RPS6KC1: variants seen among roughly 807,000 people sequenced by gnomAD.
RPS6KC1 encodes inactive ribosomal protein S6 kinase delta-1.
RPS6KC1 carries 54 observed loss-of-function variants against 103.8 expected under a neutral mutation model. The ratio of observed to expected loss-of-function variants is 0.52; its 90% confidence interval spans 0.42 to 0.65. The LOEUF is 0.65. Among genes scored for constraint, RPS6KC1 ranks in the 30% least tolerant of loss-of-function variants. The probability of loss-of-function intolerance (pLI) is 0.00; values close to 1 mark genes in which losing one functional copy is unlikely to be tolerated. For missense variants in RPS6KC1, 1,151 were observed against 1,253.8 expected (o/e 0.92, Z 1.24); for synonymous variants, 439 against 438.7 (o/e 1.00, Z -0.01).
chr1:213,556,614 T>G, the RPS6KC1 span, among the ~76,000 whole-genome samples: 1 of 152,252 alleles, frequency 6.6e-6, no homozygotes, highest in Non-Finnish European at 1.5e-5. Flanking sequence ...TGGGCTTCCC[T>G]GGAGGCAAGT....
the RPS6KC1 span, among the ~76,000 whole-genome samples, chr1:213,540,316 C>A: frequency 8.5e-4 from 129 of 152,240 alleles, no homozygotes; most frequent in Non-Finnish European, 1.5e-3. Flanking sequence ...CAAGGTCTCA[C>A]TATGTTGTCC....
chr1:213,802,167 T>C, the RPS6KC1 span, among the ~76,000 whole-genome samples: 20 of 152,160 alleles, frequency 1.3e-4, no homozygotes, highest in Admixed American at 1.3e-3. Flanking sequence ...AATAAGCAAG[T>C]AAATGTGAGG....
chr1:213,829,964 C>T, the RPS6KC1 span, among the ~76,000 whole-genome samples: 1 of 152,198 alleles, frequency 6.6e-6, no homozygotes, highest in Non-Finnish European at 1.5e-5. Context: ...AAGCCGCTCT[C>T]ACCCCATCTG....
intron 3 of RPS6KC1, among the ~76,000 whole-genome samples, chr1:213,101,698 A>G (rs995909840): frequency 6.6e-6 from 1 of 152,194 alleles, no homozygotes; most frequent in Admixed American, 6.5e-5. Flanking sequence ...GGGTCAAAGT[A>G]TAAAATAATG....
chr1:213,434,133 T>C, the RPS6KC1 span, among the ~76,000 whole-genome samples: 5 of 152,128 alleles, frequency 3.3e-5, no homozygotes, highest in African/African-American at 9.6e-5. Flanking sequence ...ACTTACTCAT[T>C]TGGTTAACAT....
chr1:213,262,380 T>C (rs1217814261), intron 13 of RPS6KC1, among the ~76,000 whole-genome samples: 1 of 152,210 alleles, frequency 6.6e-6, no homozygotes, highest in Non-Finnish European at 1.5e-5. Context: ...CTCTGTAGGG[T>C]TTTTAAAACA....
intron 12 of RPS6KC1, among the ~76,000 whole-genome samples, chr1:213,261,252 A>G (rs898498186): frequency 6.6e-6 from 1 of 152,204 alleles, no homozygotes; most frequent in Non-Finnish European, 1.5e-5. Flanking sequence ...TCTCAAATGT[A>G]AAAAATTAAG....
At chr1:213,581,218 G>A in the RPS6KC1 span, among the ~76,000 whole-genome samples, 2 of 151,942 alleles carry the variant, frequency 1.3e-5, no homozygotes, top group Non-Finnish European at 2.9e-5. Flanking sequence ...TAGTCCAACT[G>A]ACTCCCTCTG....
At chr1:213,253,605 G>A (rs188910337) in intron 12 of RPS6KC1, among the ~76,000 whole-genome samples, 138 of 152,136 alleles carry the variant, frequency 9.1e-4, no homozygotes, top group African/African-American at 3.1e-3. Context: ...TTATTTTTGC[G>A]TCATGTCTTT....
the RPS6KC1 span, among the ~76,000 whole-genome samples, chr1:213,659,422 A>G: frequency 6.6e-6 from 1 of 152,338 alleles, no homozygotes; most frequent in East Asian, 1.9e-4. Context: ...ATGCTATAAA[A>G]TTTAGATTCA....
the RPS6KC1 span, among the ~76,000 whole-genome samples, chr1:213,633,874 C>CAAAAAAAAAA: frequency 2.4e-4 from 2 of 8,278 alleles, no homozygotes; most frequent in Admixed American, 1.4e-3. Flanking sequence ...AAATGGAAAG[C>CAAAAAAAAAA]AAAAAAAAAA....
the RPS6KC1 span, among the ~76,000 whole-genome samples, chr1:213,340,446 A>C: frequency 6.6e-6 from 1 of 152,230 alleles, no homozygotes; most frequent in Non-Finnish European, 1.5e-5. Flanking sequence ...GAAGTGGTGT[A>C]ACTACATTAA....
At chr1:213,484,158 C>T in the RPS6KC1 span, among the ~76,000 whole-genome samples, 1 of 152,196 alleles carries the variant, frequency 6.6e-6, no homozygotes, top group Non-Finnish European at 1.5e-5. Context: ...AATTTTATCA[C>T]CATCTTCCTA....
At chr1:213,270,228 C>T (rs2095015116) in intron 14 of RPS6KC1, among the ~76,000 whole-genome samples, 1 of 152,158 alleles carries the variant, frequency 6.6e-6, no homozygotes, top group South Asian at 2.1e-4. Context: ...TGAATATGCA[C>T]ATGCTAAAAA....
At chr1:213,524,618 C>G in the RPS6KC1 span, among the ~76,000 whole-genome samples, 7 of 152,158 alleles carry the variant, frequency 4.6e-5, no homozygotes, top group Non-Finnish European at 1.0e-4. Context: ...AGTACAAATC[C>G]TGTCTCTGCC....
At chr1:213,846,236 G>T in the RPS6KC1 span, among the ~76,000 whole-genome samples, 1 of 151,454 alleles carries the variant, frequency 6.6e-6, no homozygotes, top group African/African-American at 2.4e-5. Flanking sequence ...GGAGGCGGAG[G>T]TCGCAGTGAA....
chr1:213,763,071 C>T, the RPS6KC1 span, among the ~76,000 whole-genome samples: 2 of 152,098 alleles, frequency 1.3e-5, no homozygotes, highest in African/African-American at 4.8e-5. Flanking sequence ...GTTGGCCAGG[C>T]TGGTCTCAAA....
the RPS6KC1 span, among the ~76,000 whole-genome samples, chr1:213,328,056 A>C: frequency 1.9e-3 from 282 of 152,194 alleles, no homozygotes; most frequent in African/African-American, 6.2e-3. Flanking sequence ...TTTATTTTTT[A>C]AATTTACATG....
chr1:213,310,508 G>A, the RPS6KC1 span, among the ~76,000 whole-genome samples: 1 of 151,928 alleles, frequency 6.6e-6, no homozygotes, highest in Non-Finnish European at 1.5e-5. Flanking sequence ...TCTTTCACAG[G>A]TACCTAAGCT....
Sources: gnomAD v4.1 joint callset for allele counts (sites outside exome capture counted in the v4.1 genomes callset) on GRCh38, gnomAD v4.1.1 for gene constraint, MANE v1.5 for transcripts, NCBI Gene and HGNC (gene_info 2026-07-23, HGNC 2026-07-21) for gene names.